APC: variants seen among roughly 807,000 people sequenced by gnomAD.
The protein encoded by APC is APC regulator of Wnt signaling pathway.
APC carries 72 observed loss-of-function variants against 247.0 expected under a neutral mutation model. The observed-to-expected ratio is 0.29, with a 90% CI of 0.24 to 0.35. The LOEUF (loss-of-function observed/expected upper bound fraction) is 0.35. Ranked by LOEUF, APC falls within the 10% of genes least tolerant of loss-of-function variation. The pLI, the probability that APC is intolerant of heterozygous loss-of-function variation, is 1.00. For missense variants in APC, 3,400 were observed against 3,360.7 expected (o/e 1.01, Z -0.29); for synonymous variants, 1,254 against 1,162.5 (o/e 1.08, Z -1.60).
chr5:112,760,079 G>A (rs552715465), intron 2 of APC, among the ~76,000 whole-genome samples: 1 of 152,236 alleles, frequency 6.6e-6, no homozygotes, highest in African/African-American at 2.4e-5. Context: ...TAGATAAGCT[G>A]AGATTACTGG....
chr5:112,815,642 T>C (rs1385019470), intron 9 of APC, 49 bp downstream of exon 9: 8 of 1,468,890 alleles, frequency 5.4e-6, no homozygotes, highest in East Asian at 2.4e-5. Flanking sequence ...ACTACTTTGC[T>C]AAGACATTCT....
chr5:112,714,344 A>G (rs749900991), intron 1 of APC, among the ~76,000 whole-genome samples: 4 of 152,260 alleles, frequency 2.6e-5, no homozygotes, highest in Non-Finnish European at 4.4e-5. Context: ...GCACATGTAT[A>G]CACTGAAGTT....
intron 14 of APC, chr5:112,829,498 C>G (rs1414679174): frequency 6.2e-6 from 1 of 160,974 alleles, no homozygotes; most frequent in Non-Finnish European, 1.4e-5. Flanking sequence ...ACCGCAAACT[C>G]CTAAAGTACT....
At chr5:112,772,427 A>G (rs1757158085) in intron 4 of APC, among the ~76,000 whole-genome samples, 1 of 152,096 alleles carries the variant, frequency 6.6e-6, no homozygotes, top group African/African-American at 2.4e-5. Context: ...TGATAGTAGC[A>G]AATTGTCCCT....
intron 6 of APC, among the ~76,000 whole-genome samples, chr5:112,789,515 G>A (rs1360249212): frequency 6.6e-6 from 1 of 152,160 alleles, no homozygotes; most frequent in Non-Finnish European, 1.5e-5. Flanking sequence ...TGAGATACTG[G>A]CAATATGGAA....
At chr5:112,745,025 C>T (rs1363785600) in intron 1 of APC, among the ~76,000 whole-genome samples, 3 of 152,122 alleles carry the variant, frequency 2.0e-5, no homozygotes, top group African/African-American at 7.2e-5. Context: ...AAAGCATTTA[C>T]ATTACGTGAG....
rs1057524073 is a variant in APC at position 112,821,975 on chromosome 5, T to A, written c.1392T>A (p.His464Gln). 6.2e-7 allele frequency: 1 copy of A among 1,611,226 alleles called. No homozygotes were observed. The highest frequency in any genetic ancestry group is 8.5e-7 in the Non-Finnish European group (1 of 1,177,872). Residue 464 changes from histidine (H) to glutamine (Q), a missense_variant, in exon 11 of 16, where the codon CAT becomes CAA. Physicochemically the swap from His to Gln is conservative, Grantham distance 24. Coordinates refer to ENST00000257430, the MANE Select transcript of APC (RefSeq NM_000038.6). Reference protein sequence around the residue: ...MKLSFDEEHRHAMNELGGLQA... With the variant: ...MKLSFDEEHRQAMNELGGLQA... ...TTTCATTTGATGAAGAGCATAGACATGCAATGAATGAACTAGGTAAGACAA... is the reference window on the plus strand; with the variant it reads ...TTTCATTTGATGAAGAGCATAGACAAGCAATGAATGAACTAGGTAAGACAA...
At chr5:112,768,043 C>CTTTTT (rs761163996) in intron 4 of APC, among the ~76,000 whole-genome samples, 1 of 133,230 alleles carries the variant, frequency 7.5e-6, no homozygotes, top group Non-Finnish European at 1.6e-5. Context: ...AAGACTCTTT[C>CTTTTT]TTTTTTTTTT....
In APC at chr5:112,822,237, C is replaced by T. The variant is rs1471627205; in HGVS notation, c.1408+246C>T. On this transcript the variant is annotated intron_variant, in intron 11 of 15. Transcript: ENST00000257430. ...AAGCTAACTTTTTCAAAATCGAAGCCGGAGATTGAAAAAAAATGACAAAAT... is the reference window on the plus strand; with the variant it reads ...AAGCTAACTTTTTCAAAATCGAAGCTGGAGATTGAAAAAAAATGACAAAAT... Among the ~76,000 whole-genome samples the T allele has an allele frequency of 4.0e-5, 6 of 151,864 alleles. 1 individual carries two copies. Among genetic ancestry groups the T allele is most frequent in the East Asian group, 3.9e-4 (2 of 5,164 alleles).
At chr5:112,823,728 T>C (rs1763370801) in intron 11 of APC, among the ~76,000 whole-genome samples, 1 of 152,202 alleles carries the variant, frequency 6.6e-6, no homozygotes, top group Non-Finnish European at 1.5e-5. Context: ...GAAACTGTGC[T>C]AGGCACTAGA....
intron 2 of APC, among the ~76,000 whole-genome samples, chr5:112,755,902 G>A (rs1255316900): frequency 6.6e-6 from 1 of 150,734 alleles, no homozygotes; most frequent in African/African-American, 2.4e-5. Flanking sequence ...TTGAGCCAAG[G>A]AGCTCGAGAC....
At chr5:112,809,976 A>T (rs1263399353) in intron 8 of APC, 2 of 327,396 alleles carry the variant, frequency 6.1e-6, no homozygotes, top group Non-Finnish European at 1.2e-5. Context: ...CAGCCTGGTG[A>T]CAGAGCAAGA....
intron 1 of APC, among the ~76,000 whole-genome samples, chr5:112,711,097 C>T (rs1002754418): frequency 6.6e-6 from 1 of 152,170 alleles, no homozygotes; most frequent in African/African-American, 2.4e-5. Context: ...GGTATCAGTC[C>T]TTGGCTTGTT....
intron 1 of APC, among the ~76,000 whole-genome samples, chr5:112,743,660 C>T (rs1005270434): frequency 1.3e-5 from 2 of 152,084 alleles, no homozygotes; most frequent in African/African-American, 4.8e-5. Context: ...AACTGAGAAA[C>T]GTTAAAGCAA....
rs786201524 is a variant in APC at position 112,843,604 on chromosome 5, A to G, written c.8010A>G (p.Arg2670=). The G allele has an allele frequency of 6.8e-6, 11 of 1,613,876 alleles. No homozygotes were observed. The highest frequency in any genetic ancestry group is 1.7e-5 in the Admixed American group (1 of 59,976). ...AGGACTGTCCCATTAACAATCCTAG[A>G]TCTGGAAGATCTCCCACAGGTAATA... The part of the protein sequence containing the change: ...RIEDCPINNP[R]SGRSPTGNTP... The change falls in exon 16 of 16, where the codon AGA becomes AGG. Residue 2670 remains arginine, a synonymous_variant. Transcript: ENST00000257430. This position sits in a 1 kb window ranked among gnomAD's most constrained non-coding sequence, Gnocchi z 4.8.
At chr5:112,829,045 A>T (rs551857320) in intron 14 of APC, 73 bp downstream of exon 14, 12 of 1,033,130 alleles carry the variant, frequency 1.2e-5, no homozygotes, top group Non-Finnish European at 1.8e-5. Flanking sequence ...TCTTTTAGCC[A>T]TGAGATTTCC....
intron 1 of APC, among the ~76,000 whole-genome samples, chr5:112,723,855 A>C (rs752329207): frequency 3.9e-5 from 6 of 152,130 alleles, no homozygotes; most frequent in Admixed American, 2.0e-4. Flanking sequence ...CCCCACTGCT[A>C]CTCTTTGCCA....
chr5:112,833,778 G>C (rs982827657), intron 14 of APC, among the ~76,000 whole-genome samples: 1 of 152,060 alleles, frequency 6.6e-6, no homozygotes, highest in Non-Finnish European at 1.5e-5. Context: ...AGCTTTTCTA[G>C]TACCCTTTAT....
At chr5:112,721,910 G>A (rs1751502623) in intron 1 of APC, among the ~76,000 whole-genome samples, 1 of 152,000 alleles carries the variant, frequency 6.6e-6, no homozygotes, top group Non-Finnish European at 1.5e-5. Flanking sequence ...ATCTCCTAAT[G>A]TTTTAAGAAA....
Sources: gnomAD v4.1 joint callset for allele counts (sites outside exome capture counted in the v4.1 genomes callset) on GRCh38, gnomAD v4.1.1 for gene constraint, Gnocchi (gnomAD v3.1) non-coding constraint, MANE v1.5 for transcripts, NCBI Gene and HGNC (gene_info 2026-07-23, HGNC 2026-07-21) for gene names.